Variants in DDX54 observed in about 807,000 individuals in gnomAD.
DDX54 encodes the protein ATP-dependent RNA helicase DDX54.
A neutral mutation model predicts 105.5 loss-of-function variants in DDX54; 67 were observed. The ratio of observed to expected loss-of-function variants is 0.64; its 90% confidence interval spans 0.52 to 0.78. The LOEUF (loss-of-function observed/expected upper bound fraction) is 0.78. Among genes scored for constraint, DDX54 ranks in the 30% least tolerant of loss-of-function variants. The pLI is 0.00. For missense variants in DDX54, 1,206 were observed against 1,230.5 expected (o/e 0.98, Z 0.30); for synonymous variants, 514 against 509.9 (o/e 1.01, Z -0.11).
chr12:113,177,166 G>A, intron 5 of DDX54, 73 bp from the exon 6 acceptor site: 1 of 1,566,934 alleles, frequency 6.4e-7, no homozygotes, highest in South Asian at 1.2e-5. Context: ...CAAATGTCCA[G>A]GCAAGGCTGC....
At chr12:113,176,462 G>A (rs1401089147) in intron 7 of DDX54, among the ~76,000 whole-genome samples, 1 of 152,166 alleles carries the variant, frequency 6.6e-6, no homozygotes, top group Non-Finnish European at 1.5e-5. Flanking sequence ...AGCTACACAG[G>A]AGGCTAAGGC....
rs1168900736 is a variant in DDX54 at position 113,171,143 on chromosome 12, A to G, written c.1279+1210T>C. ...TGCAGAACCAGCTCTCCACACAGCAACAGAAACTAGGGGACAGCAGACAGC... is the reference window on the plus strand; with the variant it reads ...TGCAGAACCAGCTCTCCACACAGCAGCAGAAACTAGGGGACAGCAGACAGC... On this transcript the variant is annotated intron_variant, in intron 11 of 19. Transcript: ENST00000306014. 5.3e-5 allele frequency among the ~76,000 whole-genome samples: 8 copies of G among 152,332 alleles called. No individual in the cohort carries two copies. In the East Asian group the frequency reaches 1.5e-3, roughly 29 times the overall value.
Position 113,164,277 on chromosome 12 carries a change from A to G in DDX54, c.1728T>C (p.Phe576=), listed in dbSNP as rs148830136. The change falls in exon 15 of 20, where the codon TTT becomes TTC. Residue 576 remains phenylalanine (F), a synonymous_variant. Transcript: ENST00000306014. Reference sequence around the variant, plus strand: ...GGTCTCGGCTGGAGGCGTTGATCTCAAAGATAGTCTGTGGAGGGGACACCC... The same window carrying G: ...GGTCTCGGCTGGAGGCGTTGATCTCGAAGATAGTCTGTGGAGGGGACACCC... The part of the protein sequence containing the change: ...IKNYRSRATI[F]EINASSRDLC... 1,520 of 1,588,978 alleles carry G rather than the reference A, an allele frequency of 9.6e-4. 2 individuals carry two copies. Among genetic ancestry groups the G allele is most frequent in the Non-Finnish European group, 1.2e-3 (1,418 of 1,169,916 alleles).
At chr12:113,160,528 G>T (rs755302959) in intron 19 of DDX54, among the ~76,000 whole-genome samples, 2 of 152,208 alleles carry the variant, frequency 1.3e-5, no homozygotes, top group East Asian at 3.9e-4. Context: ...GCCCCTCCCT[G>T]ATAACAGCCC....
At chr12:113,162,088 T>C in intron 17 of DDX54, 91 bp from the exon 18 acceptor site, 3 of 1,199,454 alleles carry the variant, frequency 2.5e-6, no homozygotes, top group South Asian at 2.4e-5. Flanking sequence ...CCCGACCCTC[T>C]TGTCAGGTTG....
intron 3 of DDX54, 35 bp downstream of exon 3, chr12:113,179,900 C>T: frequency 6.2e-7 from 1 of 1,612,254 alleles, no homozygotes. Flanking sequence ...GTCACTCCTC[C>T]CTCGCCCTCA....
chr12:113,180,793 G>A (rs1952457091), intron 2 of DDX54, 136 bp downstream of exon 2: 1 of 1,431,470 alleles, frequency 7.0e-7, no homozygotes, highest in Non-Finnish European at 9.5e-7. Context: ...CTGAATGACT[G>A]GAGGACCACA....
chr12:113,185,137 C>T, intron 1 of DDX54, 141 bp downstream of exon 1: 1 of 1,146,324 alleles, frequency 8.7e-7, no homozygotes, highest in Non-Finnish European at 1.2e-6. Flanking sequence ...GGCCGGCGGT[C>T]CCAAGACCGG....
At position 113,185,425 on chromosome 12, in the gene DDX54, A is replaced by C. The variant is rs763066080; in HGVS notation, c.27T>G (p.Ala9=). 3.3e-6 allele frequency: 5 copies of C among 1,523,782 alleles called. No homozygotes were observed. The highest frequency in any genetic ancestry group is 4.4e-6 in the Non-Finnish European group (5 of 1,138,540). 94.4% of individuals were successfully genotyped at this position (1,523,782 alleles called of 1,614,324 possible). A position where few individuals can be genotyped will look rare whatever the true frequency, so the allele number is the denominator to read the frequency against. The change falls in exon 1 of 20, where the codon GCT becomes GCG. Residue 9 remains alanine (A), a synonymous_variant. Coordinates refer to ENST00000306014, the MANE Select transcript of DDX54 (RefSeq NM_024072.4). MAADKGPA[A]GPRSRAAMAQ... ...CCATGGCAGCTCGCGACCGAGGTCC[A>C]GCCGCCGGGCCCTTGTCGGCCGCCA...
At chr12:113,174,615 T>TCCTCCCACTCAGGACCCTGCTCA in intron 10 of DDX54, 25 bp downstream of exon 10, 2 of 1,604,886 alleles carry the variant, frequency 1.2e-6, no homozygotes, top group Non-Finnish European at 1.7e-6. Flanking sequence ...AAGGAGGTGC[T>TCCTCCCACTCAGGACCCTGCTCA]CCTCCCACTC....
intron 17 of DDX54, 126 bp downstream of exon 17, chr12:113,162,802 GCTCA>G (rs137993165): frequency 7.0e-5 from 60 of 859,386 alleles, no homozygotes; most frequent in South Asian, 9.1e-5. Flanking sequence ...TGGAGGGGCG[GCTCA>G]CTCACTCACT....
rs566892085 is a variant in DDX54, at chr12:113,172,547, C to T, written c.1085G>A (p.Arg362Gln). 184 of 1,614,140 alleles carry T rather than the reference C, an allele frequency of 1.1e-4. 3 individuals carry two copies. In the South Asian group the frequency reaches 1.8e-3, roughly 16 times the overall value. The change falls in exon 11 of 20, where the codon CGG (arginine) becomes CAG (glutamine). Residue 362 changes from arginine (R) to glutamine (Q), a missense_variant. Arg to Gln is a conservative substitution (Grantham distance 43, BLOSUM62 1). Transcript: ENST00000306014. ...ACTGTAGATGTGGGCGCAGCTCACC[C>T]GCTGGGTCGTCAGCAGCTGCTCAGA... ...EYLTELLTTQ[R>Q]VSCAHIYSAL...
rs779421650 is a variant in DDX54, at chr12:113,162,915, C to T, written c.2195+17G>A. 6.4e-7 allele frequency: 1 copy of T among 1,566,016 alleles called. No homozygotes were observed. Among genetic ancestry groups the T allele is most frequent in the Non-Finnish European group, 8.6e-7 (1 of 1,162,768 alleles). On this transcript the variant is annotated intron_variant, in intron 17 of 19. Coordinates refer to ENST00000306014, the MANE Select transcript of DDX54 (RefSeq NM_024072.4). ...ACTCACCCCGAGCATGGAGGGGCGGCTCACTCGATCACTCACCACTTGAGC... is the reference window on the plus strand; with the variant it reads ...ACTCACCCCGAGCATGGAGGGGCGGTTCACTCGATCACTCACCACTTGAGC...
chr12:113,165,736 G>A lies in DDX54; in HGVS notation c.1646-19C>T, dbSNP rs1309830470. On this transcript the variant is annotated intron_variant, in intron 13 of 19. Coordinates refer to ENST00000306014, the MANE Select transcript of DDX54 (RefSeq NM_024072.4). Reference sequence around the variant, plus strand: ...CGCGAGCCTGGTAGGAAAGCAGCAAGGTGTGAGGCTGTGGGTGGGGTCAGC... The same window carrying A: ...CGCGAGCCTGGTAGGAAAGCAGCAAAGTGTGAGGCTGTGGGTGGGGTCAGC... 1.2e-6 allele frequency: 2 copies of A among 1,611,164 alleles called. No homozygotes were observed. Among genetic ancestry groups the A allele is most frequent in the Non-Finnish European group, 1.7e-6 (2 of 1,178,214 alleles).
chr12:113,172,332 G>A (rs544683719), intron 11 of DDX54, 21 bp downstream of exon 11: 13 of 1,608,800 alleles, frequency 8.1e-6, no homozygotes, highest in Non-Finnish European at 1.0e-5. Context: ...CCTGCCCCAG[G>A]GCCAGCCACG....
chr12:113,168,541 G>A (rs11833413), intron 12 of DDX54, among the ~76,000 whole-genome samples: 3,514 of 152,348 alleles, frequency 0.023, 123 homozygotes, highest in African/African-American at 0.079. Flanking sequence ...CAGCAGGACT[G>A]CAGGTGGAGG....
chr12:113,167,054 C>T (rs979978255), intron 12 of DDX54, among the ~76,000 whole-genome samples: 4 of 152,102 alleles, frequency 2.6e-5, no homozygotes, highest in Non-Finnish European at 2.9e-5. Context: ...TTTCTTTTGT[C>T]GTCATGTTCT....
At chr12:113,169,415 G>A (rs1204407932) in intron 12 of DDX54, among the ~76,000 whole-genome samples, 1 of 152,022 alleles carries the variant, frequency 6.6e-6, no homozygotes, top group African/African-American at 2.4e-5. Flanking sequence ...TCAGGAGTTC[G>A]AGATCAGCCT....
At chr12:113,174,476 G>C (rs529847217) in intron 10 of DDX54, among the ~76,000 whole-genome samples, 164 bp downstream of exon 10, 1 of 152,288 alleles carries the variant, frequency 6.6e-6, no homozygotes, top group African/African-American at 2.4e-5. Context: ...GGCAGAGCGA[G>C]GCTCCGTCTC....
Sources: gnomAD v4.1 joint callset for allele counts (sites outside exome capture counted in the v4.1 genomes callset) on GRCh38, gnomAD v4.1.1 for gene constraint, MANE v1.5 for transcripts, NCBI Gene and HGNC (gene_info 2026-07-23, HGNC 2026-07-21) for gene names.